Variants in GRIA4 observed in about 807,000 individuals in gnomAD.
GRIA4 encodes the protein glutamate receptor 4.
Under a neutral mutation model 104.0 loss-of-function variants are expected in GRIA4, and 34 were observed. The ratio of observed to expected loss-of-function variants is 0.33; its 90% confidence interval spans 0.25 to 0.44. The LOEUF (loss-of-function observed/expected upper bound fraction) is 0.44, where lower values mean the gene tolerates loss of function less well. GRIA4 is among the 20% of genes least tolerant of loss of function. GRIA4 has a pLI of 1.00. For missense variants in GRIA4, 750 were observed against 1,096.5 expected (o/e 0.68, Z 4.46); for synonymous variants, 386 against 381.9 (o/e 1.01, Z -0.13).
At chr11:105,821,894 G>A (rs1333283669) in intron 4 of GRIA4, among the ~76,000 whole-genome samples, 1 of 152,092 alleles carries the variant, frequency 6.6e-6, no homozygotes. Flanking sequence ...GAGTCAGGCT[G>A]ATCTCACTGC....
intron 14 of GRIA4, among the ~76,000 whole-genome samples, chr11:105,970,959 T>A (rs1033341872): frequency 1.4e-4 from 21 of 152,154 alleles, no homozygotes; most frequent in African/African-American, 5.1e-4. Context: ...CTGAAACTCC[T>A]AATATAATAT....
At chr11:105,691,519 C>T (rs752220738) in intron 3 of GRIA4, among the ~76,000 whole-genome samples, 1 of 152,106 alleles carries the variant, frequency 6.6e-6, no homozygotes, top group Non-Finnish European at 1.5e-5. Flanking sequence ...CTCTAAACAA[C>T]TATGCCTCAG....
chr11:105,737,036 T>C (rs1938999213), intron 3 of GRIA4, among the ~76,000 whole-genome samples: 1 of 152,110 alleles, frequency 6.6e-6, no homozygotes, highest in Non-Finnish European at 1.5e-5. Context: ...GCATTTTTAT[T>C]GGATAGCATT....
At chr11:105,650,637 G>A (rs916152069) in intron 3 of GRIA4, among the ~76,000 whole-genome samples, 2 of 152,096 alleles carry the variant, frequency 1.3e-5, no homozygotes, top group African/African-American at 4.8e-5. Context: ...AGTTAGGAAG[G>A]GCAGACACTT....
At chr11:105,620,050 A>G (rs1591448672) in intron 3 of GRIA4, among the ~76,000 whole-genome samples, 1 of 151,860 alleles carries the variant, frequency 6.6e-6, no homozygotes. Flanking sequence ...TACATATTCT[A>G]CATCAGCTCT....
intron 4 of GRIA4, among the ~76,000 whole-genome samples, chr11:105,845,431 G>T (rs1354412463): frequency 2.0e-5 from 3 of 152,064 alleles, no homozygotes; most frequent in Non-Finnish European, 4.4e-5. Flanking sequence ...ACAAGGAGAG[G>T]GAACCTTGAC....
intron 3 of GRIA4, among the ~76,000 whole-genome samples, chr11:105,698,968 C>T (rs969281951): frequency 2.6e-5 from 4 of 152,164 alleles, no homozygotes; most frequent in Non-Finnish European, 5.9e-5. Context: ...TACCCAATTG[C>T]TGAATATGCC....
At chr11:105,680,596 T>C (rs1469300722) in intron 3 of GRIA4, among the ~76,000 whole-genome samples, 3 of 152,108 alleles carry the variant, frequency 2.0e-5, no homozygotes, top group Admixed American at 1.3e-4. Context: ...CAATGCTGTG[T>C]GGGATTCCAA....
chr11:105,965,835 T>C, intron 14 of GRIA4: 1 of 775,826 alleles, frequency 1.3e-6, no homozygotes, highest in Non-Finnish European at 2.2e-6. Flanking sequence ...GATGGTAAAA[T>C]GAGAGGTTTA....
chr11:105,807,280 A>T (rs893794400), intron 4 of GRIA4, among the ~76,000 whole-genome samples: 1 of 151,960 alleles, frequency 6.6e-6, no homozygotes, highest in African/African-American at 2.4e-5. Context: ...TAACAATTTT[A>T]TTAGAAGCAT....
At chr11:105,839,068 T>G (rs1294031363) in intron 4 of GRIA4, among the ~76,000 whole-genome samples, 1 of 152,084 alleles carries the variant, frequency 6.6e-6, no homozygotes, top group Non-Finnish European at 1.5e-5. Flanking sequence ...CATCCATGCA[T>G]GCACCGGCCC....
At chr11:105,739,403 C>T (rs1241444787) in intron 3 of GRIA4, among the ~76,000 whole-genome samples, 1 of 152,154 alleles carries the variant, frequency 6.6e-6, no homozygotes, top group Non-Finnish European at 1.5e-5. Context: ...ATGATTATAT[C>T]TCATTGTGAT....
intron 3 of GRIA4, among the ~76,000 whole-genome samples, chr11:105,720,659 G>A (rs944684454): frequency 6.6e-6 from 1 of 152,132 alleles, no homozygotes; most frequent in African/African-American, 2.4e-5. Flanking sequence ...AGACGTTTAT[G>A]TTATAAATTA....
At chr11:105,865,344 CA>C (rs1370038089) in intron 5 of GRIA4, among the ~76,000 whole-genome samples, 1 of 152,078 alleles carries the variant, frequency 6.6e-6, no homozygotes, top group African/African-American at 2.4e-5. Context: ...TCTCTAAATC[CA>C]ATGAGCAATT....
At chr11:105,744,563 A>T (rs1173609531) in intron 3 of GRIA4, among the ~76,000 whole-genome samples, 1 of 152,124 alleles carries the variant, frequency 6.6e-6, no homozygotes, top group Non-Finnish European at 1.5e-5. Flanking sequence ...AGGAATACAT[A>T]CCTCACCTCA....
chr11:105,873,482 TC>T (rs1451351778), intron 5 of GRIA4, among the ~76,000 whole-genome samples: 1 of 152,178 alleles, frequency 6.6e-6, no homozygotes, highest in East Asian at 1.9e-4. Context: ...TGGTTCTAGA[TC>T]CTTGAGGAAT....
intron 3 of GRIA4, among the ~76,000 whole-genome samples, chr11:105,649,233 A>C (rs1951619265): frequency 6.6e-6 from 1 of 152,204 alleles, no homozygotes; most frequent in South Asian, 2.1e-4. Flanking sequence ...ATATTATAAT[A>C]GATCAGAGAG....
chr11:105,744,354 G>T (rs2135666283), intron 3 of GRIA4, among the ~76,000 whole-genome samples: 1 of 152,278 alleles, frequency 6.6e-6, no homozygotes, highest in African/African-American at 2.4e-5. Flanking sequence ...TTCTACTAAA[G>T]AAGGAGAAAA....
At chr11:105,680,138 G>C (rs773367943) in intron 3 of GRIA4, among the ~76,000 whole-genome samples, 4 of 152,068 alleles carry the variant, frequency 2.6e-5, no homozygotes, top group Admixed American at 1.3e-4. Context: ...TAGTTTAGTT[G>C]AATCATTGCT....
Sources: gnomAD v4.1 joint callset for allele counts (sites outside exome capture counted in the v4.1 genomes callset) on GRCh38, gnomAD v4.1.1 for gene constraint, MANE v1.5 for transcripts, NCBI Gene and HGNC (gene_info 2026-07-23, HGNC 2026-07-21) for gene names.